The following SORCS2 variants were observed in gnomAD, a reference collection of about 807,000 sequenced individuals.
SORCS2 encodes VPS10 domain-containing receptor SorCS2.
Under a neutral mutation model 141.6 loss-of-function variants are expected in SORCS2, and 100 were observed. The observed-to-expected ratio is 0.71, with a 90% confidence interval of 0.60 to 0.83. SORCS2 has a LOEUF of 0.83. Among genes scored for constraint, SORCS2 ranks in the 40% least tolerant of loss-of-function variants. The pLI, the probability that SORCS2 is intolerant of heterozygous loss-of-function variation, is 0.00. For synonymous variants in SORCS2, 789 were observed against 676.9 expected (o/e 1.17, Z -2.57); for missense variants, 1,646 against 1,560.2 (o/e 1.05, Z -0.93).
intron 1 of SORCS2, among the ~76,000 whole-genome samples, chr4:7,377,479 T>G (rs1722736589): frequency 6.6e-6 from 1 of 152,248 alleles, no homozygotes. Flanking sequence ...GCTTCCCCTC[T>G]GAAAGCCGAG....
At chr4:7,543,636 CCGTCCATCCGTCCATCCATCCACCCA>C (rs1712904585) in intron 3 of SORCS2, among the ~76,000 whole-genome samples, 1 of 133,214 alleles carries the variant, frequency 7.5e-6, no homozygotes, top group African/African-American at 2.7e-5. Context: ...ATCCACCCAT[CCGTCCATCCGTCCATCCATCCACCCA>C]CCCATCCATC....
intron 2 of SORCS2, among the ~76,000 whole-genome samples, chr4:7,509,949 T>C (rs887302937): frequency 6.6e-6 from 1 of 152,238 alleles, no homozygotes; most frequent in African/African-American, 2.4e-5. Context: ...AAAATACCCC[T>C]TTCTTTCTTC....
rs979731944 is a variant in SORCS2 at position 7,527,992 on chromosome 4, C to T, written c.549-3538C>T. ...ACGTGCCTGTTGGCATCGCTGCTCC[C>T]GGCTGCAGTGTCTGTCTCCTTGTGC... On this transcript the variant is annotated intron_variant, in intron 2 of 26. Transcript: ENST00000507866. Among the ~76,000 whole-genome samples, 23 of 152,182 alleles carry T rather than the reference C, an allele frequency of 1.5e-4. No individual in the cohort carries two copies. In the Middle Eastern group the frequency reaches 0.017, roughly 113 times the overall value.
intron 1 of SORCS2, among the ~76,000 whole-genome samples, chr4:7,368,175 A>T (rs1289512862): frequency 6.6e-6 from 1 of 152,244 alleles, no homozygotes. Context: ...CCGGGTGGCC[A>T]TGAAGAGTGG....
intron 14 of SORCS2, among the ~76,000 whole-genome samples, chr4:7,708,206 G>A (rs1170888361): frequency 1.3e-5 from 2 of 152,198 alleles, no homozygotes; most frequent in Non-Finnish European, 2.9e-5. Flanking sequence ...GGGCCTTCTT[G>A]CTTCCTGGGT....
rs115541682 is a variant in SORCS2, at chr4:7,710,133, C to T, written c.1869-2600C>T. ...TCTGCTCTGCCCCAGCTCAGAACAG[C>T]GGTGAGACTGAGGCCTCCTGGGGGT... On this transcript the variant is annotated intron_variant, in intron 14 of 26. Transcript: ENST00000507866. Among the ~76,000 whole-genome samples, 936 of 152,246 alleles carry T rather than the reference C, an allele frequency of 6.1e-3. 1 individual carries two copies. The highest frequency in any genetic ancestry group is 0.011 in the Non-Finnish European group (729 of 68,000).
intron 1 of SORCS2, among the ~76,000 whole-genome samples, chr4:7,315,064 C>G (rs1385403862): frequency 6.6e-6 from 1 of 151,978 alleles, no homozygotes; most frequent in East Asian, 1.9e-4. Flanking sequence ...AACTCCTGAC[C>G]TTAGGCCATC....
chr4:7,205,800 T>TGG (rs1727698866), intron 1 of SORCS2, among the ~76,000 whole-genome samples: 1 of 152,162 alleles, frequency 6.6e-6, no homozygotes, highest in East Asian at 1.9e-4. Flanking sequence ...CCCAGCACTT[T>TGG]GGGAGGCAGA....
At chr4:7,631,047 CTT>C (rs11356756) in intron 3 of SORCS2, among the ~76,000 whole-genome samples, 11,729 of 131,290 alleles carry the variant, frequency 0.089, 575 homozygotes, top group Non-Finnish European at 0.12. Flanking sequence ...TTTTCCTTTT[CTT>C]TTTTTTTTTT....
At chr4:7,336,887 G>C (rs1377094617) in intron 1 of SORCS2, among the ~76,000 whole-genome samples, 2 of 152,166 alleles carry the variant, frequency 1.3e-5, no homozygotes, top group South Asian at 2.1e-4. Context: ...CTGAGTCCAG[G>C]TTCCGTGAGA....
In SORCS2 at chr4:7,738,291, G is replaced by A. The variant is rs191060077; in HGVS notation, c.3415+1119G>A. On this transcript the variant is annotated intron_variant, in intron 26 of 26. Coordinates refer to ENST00000507866, the MANE Select transcript of SORCS2 (RefSeq NM_020777.3). ...CTGCATGCCGTGTCGGGCAAGTGCC[G>A]CCGGCAGCCAGGCGGTGTGGGCACT... Among the ~76,000 whole-genome samples, 258 of 152,376 alleles carry A rather than the reference G, an allele frequency of 1.7e-3. 2 individuals carry two copies. Among genetic ancestry groups the A allele is most frequent in the East Asian group, 0.015 (78 of 5,188 alleles).
At chr4:7,532,718 G>A (rs1262861964) in intron 3 of SORCS2, among the ~76,000 whole-genome samples, 2 of 152,092 alleles carry the variant, frequency 1.3e-5, no homozygotes, top group African/African-American at 4.8e-5. Context: ...GGGCTGAGAT[G>A]CGTGCAGCCT....
At chr4:7,465,201 C>A (rs1201863127) in intron 2 of SORCS2, among the ~76,000 whole-genome samples, 3 of 152,234 alleles carry the variant, frequency 2.0e-5, no homozygotes, top group African/African-American at 7.2e-5. Context: ...GAGCAGGAGG[C>A]CTCTGCTCCA....
chr4:7,719,431 C>T (rs1309350008), intron 18 of SORCS2, among the ~76,000 whole-genome samples: 1 of 149,244 alleles, frequency 6.7e-6, no homozygotes, highest in Non-Finnish European at 1.5e-5. Context: ...ACAGAGAAGT[C>T]ACTCTCCCAA....
intron 22 of SORCS2, among the ~76,000 whole-genome samples, chr4:7,729,191 G>A (rs987586913): frequency 2.6e-5 from 4 of 152,216 alleles, no homozygotes; most frequent in Admixed American, 1.3e-4. Context: ...GAGTGGGAAG[G>A]GGGAGGCAGC....
chr4:7,344,160 G>A (rs895448357), intron 1 of SORCS2, among the ~76,000 whole-genome samples: 1 of 152,218 alleles, frequency 6.6e-6, no homozygotes, highest in Admixed American at 6.5e-5. Flanking sequence ...GCTGTCCTTT[G>A]ACTTAACTAA....
intron 2 of SORCS2, among the ~76,000 whole-genome samples, chr4:7,454,681 A>T (rs1728748735): frequency 9.6e-6 from 1 of 104,442 alleles, no homozygotes; most frequent in Admixed American, 1.0e-4. Context: ...TGTTGGGGTC[A>T]GGCTCCGTGT....
chr4:7,614,585 TCCATCCAC>T (rs1050525715), intron 3 of SORCS2, among the ~76,000 whole-genome samples: 14 of 136,262 alleles, frequency 1.0e-4, no homozygotes, highest in African/African-American at 4.1e-4. Context: ...CCATCATGAA[TCCATCCAC>T]CCATCCACCT....
At chr4:7,714,478 T>G (rs3733600) in intron 16 of SORCS2, 105 bp downstream of exon 16, 329,827 of 1,302,240 alleles carry the variant, frequency 0.25, 46,553 homozygotes, top group East Asian at 0.56. Flanking sequence ...CAGCGCCTTT[T>G]ATAACCTGGT....
Sources: allele counts gnomAD v4.1 joint callset (sites outside exome capture counted in the v4.1 genomes callset), GRCh38; gene constraint gnomAD v4.1.1; transcripts MANE v1.5; gene names NCBI Gene and HGNC (gene_info 2026-07-23, HGNC 2026-07-21).